Variants in MAOB observed in about 807,000 individuals in gnomAD.
The protein encoded by MAOB is amine oxidase [flavin-containing] B.
A neutral mutation model predicts 41.9 loss-of-function variants in MAOB; 15 were observed. That is an observed-to-expected ratio of 0.36 (90% CI 0.24 to 0.55). The LOEUF is 0.55. Among genes scored for constraint, MAOB ranks in the 20% least tolerant of loss-of-function variants. The pLI, the probability that MAOB is intolerant of heterozygous loss-of-function variation, is 0.86. For synonymous variants in MAOB, 167 were observed against 144.2 expected, an observed-to-expected ratio of 1.16 and a Z score of -1.13; for missense variants, 345 against 398.7, an observed-to-expected ratio of 0.87 and a Z score of 1.15.
intron 1 of MAOB, among the ~76,000 whole-genome samples, chrX:43,854,856 C>T (rs1186287279): frequency 8.9e-6 from 1 of 111,950 alleles, no homozygotes. Context: ...CAAGATTATA[C>T]AAGTCCTATG....
chrX:43,855,518 C>A (rs1309679181), intron 1 of MAOB, among the ~76,000 whole-genome samples: 1 of 111,104 alleles, frequency 9.0e-6, no homozygotes, highest in Admixed American at 9.6e-5. Flanking sequence ...GCAGAAGCTA[C>A]AACTGCTTCT....
At chrX:43,870,455 G>A (rs757608315) in intron 1 of MAOB, among the ~76,000 whole-genome samples, 12 of 111,120 alleles carry the variant, frequency 1.1e-4, no homozygotes, top group African/African-American at 3.6e-4. Context: ...GAACTGATGA[G>A]ACTAAGCACC....
At chrX:43,824,941 T>C (rs1161194074) in intron 3 of MAOB, among the ~76,000 whole-genome samples, 2 of 113,006 alleles carry the variant, frequency 1.8e-5, no homozygotes, top group Admixed American at 9.3e-5. Flanking sequence ...ATGTTACTTC[T>C]CTACTTCAAA....
intron 8 of MAOB, among the ~76,000 whole-genome samples, chrX:43,787,065 A>T (rs1390445645): frequency 9.4e-6 from 1 of 105,929 alleles, no homozygotes; most frequent in Non-Finnish European, 1.9e-5. Flanking sequence ...AAGACAAAGA[A>T]GAAACAAATT....
At chrX:43,774,818 C>G (rs1333818924) in intron 12 of MAOB, among the ~76,000 whole-genome samples, 1 of 111,293 alleles carries the variant, frequency 9.0e-6, no homozygotes, top group Admixed American at 9.6e-5. Flanking sequence ...TTTATGGGTA[C>G]AGAGTAGGTG....
intron 1 of MAOB, among the ~76,000 whole-genome samples, chrX:43,857,114 TATAGAGAGAGAGAGAGAGAGAG>T (rs1266593398): frequency 0.029 from 333 of 11,422 alleles, no homozygotes; most frequent in Non-Finnish European, 0.038. Flanking sequence ...TATATATATA[TATAGAGAGAGAGAGAGAGAGAG>T]AGAGAGAGAG....
At chrX:43,781,376 C>T in intron 9 of MAOB, 72 bp downstream of exon 9, 1 of 578,338 alleles carries the variant, frequency 1.7e-6, no homozygotes, top group Non-Finnish European at 2.5e-6. Flanking sequence ...AAGTTTGGGG[C>T]ACATTTGTTA....
intron 8 of MAOB, 68 bp from the exon 9 acceptor site, chrX:43,781,612 A>G: frequency 1.7e-6 from 1 of 576,236 alleles, no homozygotes; most frequent in Non-Finnish European, 2.7e-6. Flanking sequence ...AGATATAATG[A>G]AGTGCATGTT....
intron 3 of MAOB, among the ~76,000 whole-genome samples, chrX:43,835,809 C>T (rs1396807531): frequency 8.9e-6 from 1 of 112,042 alleles, no homozygotes; most frequent in African/African-American, 3.3e-5. Context: ...CCATGAGCTA[C>T]TGTGCCCTTC....
chrX:43,871,166 G>C (rs1228256761), intron 1 of MAOB, among the ~76,000 whole-genome samples: 1 of 111,334 alleles, frequency 9.0e-6, no homozygotes, highest in Non-Finnish European at 1.9e-5. Flanking sequence ...GAAGCAAGAG[G>C]GTACGAAGGC....
intron 3 of MAOB, among the ~76,000 whole-genome samples, chrX:43,825,796 C>T (rs751362494): frequency 8.9e-6 from 1 of 112,050 alleles, no homozygotes; most frequent in South Asian, 3.7e-4. Context: ...CTAAAATATA[C>T]TTGAAAATTA....
chrX:43,831,473 T>C (rs1256821220), intron 3 of MAOB, among the ~76,000 whole-genome samples: 2 of 110,761 alleles, frequency 1.8e-5, no homozygotes, highest in Admixed American at 9.6e-5. Flanking sequence ...AGACCTCTTA[T>C]ATAAGCATCT....
At chrX:43,769,747 G>C (rs1472099917) in intron 12 of MAOB, among the ~76,000 whole-genome samples, 1 of 111,469 alleles carries the variant, frequency 9.0e-6, no homozygotes, top group Non-Finnish European at 1.9e-5. Flanking sequence ...TGGCTCACTG[G>C]CTCTGTGGCA....
chrX:43,816,311 T>C (rs1267462508), intron 3 of MAOB, among the ~76,000 whole-genome samples: 2 of 111,628 alleles, frequency 1.8e-5, no homozygotes, highest in East Asian at 5.6e-4. Flanking sequence ...AGCTGTTCAT[T>C]TATGTTTTGT....
At chrX:43,792,749 C>A (rs150138829) in intron 8 of MAOB, among the ~76,000 whole-genome samples, 2 of 111,675 alleles carry the variant, frequency 1.8e-5, no homozygotes, top group South Asian at 3.8e-4. Flanking sequence ...ATTAGTTAAG[C>A]CACTGTGAAA....
chrX:43,842,061 C>G (rs916818447), intron 2 of MAOB, among the ~76,000 whole-genome samples: 2 of 111,793 alleles, frequency 1.8e-5, no homozygotes, highest in Non-Finnish European at 3.8e-5. Context: ...AAAGCAAAAA[C>G]AGACAAATGG....
intron 1 of MAOB, among the ~76,000 whole-genome samples, chrX:43,862,699 C>T (rs1051965561): frequency 2.7e-5 from 3 of 111,515 alleles, no homozygotes; most frequent in African/African-American, 6.5e-5. Flanking sequence ...ATACATGCAC[C>T]GGAAGGGCAT....
intron 8 of MAOB, among the ~76,000 whole-genome samples, chrX:43,787,601 A>G (rs1371987505): frequency 8.9e-6 from 1 of 112,255 alleles, no homozygotes; most frequent in Admixed American, 9.5e-5. Context: ...TATAGTTACA[A>G]CGATATAATT....
At chrX:43,882,125 C>G in intron 1 of MAOB, 129 bp downstream of exon 1, 1 of 1,085,695 alleles carries the variant, frequency 9.2e-7, no homozygotes, top group Non-Finnish European at 1.2e-6. Flanking sequence ...CACTAGAGCC[C>G]TGCCCGTGCG....
Sources: allele counts gnomAD v4.1 joint callset (sites outside exome capture counted in the v4.1 genomes callset), GRCh38; gene constraint gnomAD v4.1.1; transcripts MANE v1.5; gene names NCBI Gene and HGNC (gene_info 2026-07-23, HGNC 2026-07-21).